The following RFC3 variants were observed in gnomAD, a reference collection of about 807,000 sequenced individuals.
RFC3 encodes the protein replication factor C subunit 3, also known as A1 38 kDa subunit.
RFC3 carries 41 observed loss-of-function variants against 45.1 expected under a neutral mutation model. The observed-to-expected ratio is 0.91, with a 90% confidence interval of 0.71 to 1.18. The LOEUF is 1.18. RFC3 is among the 50% of genes most tolerant of loss of function. The pLI, the probability that RFC3 is intolerant of heterozygous loss-of-function variation, is 0.00. For missense variants in RFC3, 423 were observed against 428.1 expected, an observed-to-expected ratio of 0.99 and a Z score of 0.10; for synonymous variants, 149 against 144.0, an observed-to-expected ratio of 1.03 and a Z score of -0.25.
intron 8 of RFC3, among the ~76,000 whole-genome samples, chr13:33,843,686 T>G (rs1215482624): frequency 6.6e-6 from 1 of 152,202 alleles, no homozygotes; most frequent in Non-Finnish European, 1.5e-5. Context: ...TGATCTTGTT[T>G]TGCAGATGAG....
At chr13:33,845,168 A>T (rs1241994614) in intron 8 of RFC3, among the ~76,000 whole-genome samples, 1 of 152,054 alleles carries the variant, frequency 6.6e-6, no homozygotes, top group Non-Finnish European at 1.5e-5. Context: ...GCCCCATTGT[A>T]TGTTGTTTGT....
At chr13:33,924,001 A>G (rs939516183) in intron 8 of RFC3, among the ~76,000 whole-genome samples, 1 of 152,118 alleles carries the variant, frequency 6.6e-6, no homozygotes, top group Admixed American at 6.6e-5. Flanking sequence ...TTTCTTTGTC[A>G]GGGCTGGCAC....
chr13:33,943,075 T>G (rs755502261), intron 8 of RFC3, among the ~76,000 whole-genome samples: 1 of 152,154 alleles, frequency 6.6e-6, no homozygotes, highest in Non-Finnish European at 1.5e-5. Flanking sequence ...GTCAAGGCCT[T>G]TAACAAAAAA....
chr13:33,830,076 TG>T, intron 5 of RFC3, 59 bp downstream of exon 5: 2 of 1,435,602 alleles, frequency 1.4e-6, no homozygotes, highest in Non-Finnish European at 1.9e-6. Flanking sequence ...GAATATTGTA[TG>T]CTTGTTGTAA....
chr13:33,961,013 T>A (rs1315691421), intron 8 of RFC3, among the ~76,000 whole-genome samples: 2 of 152,226 alleles, frequency 1.3e-5, no homozygotes, highest in East Asian at 3.8e-4. Context: ...CAATTAAGTT[T>A]GAATCTCAGA....
chr13:33,928,669 C>T (rs1223727972), intron 8 of RFC3, among the ~76,000 whole-genome samples: 1 of 152,142 alleles, frequency 6.6e-6, no homozygotes, highest in Non-Finnish European at 1.5e-5. Flanking sequence ...TATACTTTCT[C>T]TGGTGTTTGC....
intron 8 of RFC3, among the ~76,000 whole-genome samples, chr13:33,957,297 C>A: frequency 6.6e-6 from 1 of 152,144 alleles, no homozygotes; most frequent in South Asian, 2.1e-4. Context: ...GCCTGCATTT[C>A]TTTTCTTCTT....
intron 5 of RFC3, among the ~76,000 whole-genome samples, chr13:33,830,443 AT>A (rs569342319): frequency 1.3e-5 from 2 of 152,142 alleles, no homozygotes; most frequent in African/African-American, 2.4e-5. Context: ...ACATAGATAT[AT>A]TTTTTTCTCC....
intron 8 of RFC3, among the ~76,000 whole-genome samples, chr13:33,933,875 G>T (rs75145699): frequency 0.073 from 11,083 of 151,834 alleles, 564 homozygotes; most frequent in East Asian, 0.15. Flanking sequence ...TAAATTAAGA[G>T]AAATATGTAA....
At chr13:33,931,748 C>T (rs2082853862) in intron 8 of RFC3, among the ~76,000 whole-genome samples, 1 of 152,002 alleles carries the variant, frequency 6.6e-6, no homozygotes, top group African/African-American at 2.4e-5. Flanking sequence ...AAGTCCTCCT[C>T]CCTTTCCTCT....
rs933690302 is a variant in RFC3 at position 33,951,540 on chromosome 13, CT to C, written c.880-14536del. Among the ~76,000 whole-genome samples the C allele has an allele frequency of 5.9e-3, 876 of 148,010 alleles. 8 individuals are homozygous for C. Among genetic ancestry groups the C allele is most frequent in the African/African-American group, 0.018 (726 of 40,688 alleles). On this transcript the variant is annotated intron_variant, in intron 8 of 8. Transcript: ENST00000434425. ...AGCCACCACACCCAGCTGTAAATAA[CT>C]TTTTTTTTTTAAACCCAGGGGATTT...
At chr13:33,843,044 T>C (rs937964116) in intron 8 of RFC3, among the ~76,000 whole-genome samples, 2 of 152,128 alleles carry the variant, frequency 1.3e-5, no homozygotes, top group Non-Finnish European at 2.9e-5. Flanking sequence ...TTCCAAATTA[T>C]AGCACTTAAT....
intron 8 of RFC3, among the ~76,000 whole-genome samples, chr13:33,883,180 A>G (rs12871530): frequency 2.0e-5 from 3 of 152,248 alleles, no homozygotes; most frequent in Non-Finnish European, 2.9e-5. Context: ...TAACTGAGTA[A>G]CAACCAACTA....
At chr13:33,907,694 T>G (rs2082679630) in intron 8 of RFC3, among the ~76,000 whole-genome samples, 1 of 152,106 alleles carries the variant, frequency 6.6e-6, no homozygotes, top group African/African-American at 2.4e-5. Flanking sequence ...GAACAAGCTT[T>G]AATACCATTT....
chr13:33,902,157 A>G (rs2082645623), intron 8 of RFC3, among the ~76,000 whole-genome samples: 1 of 152,078 alleles, frequency 6.6e-6, no homozygotes, highest in Non-Finnish European at 1.5e-5. Flanking sequence ...AATATGGAGA[A>G]TATATTTGGA....
At chr13:33,974,422 G>A in the RFC3 span, among the ~76,000 whole-genome samples, 3 of 152,098 alleles carry the variant, frequency 2.0e-5, no homozygotes, top group Admixed American at 6.5e-5. Context: ...CCAGACTGCT[G>A]TTTTCTCTGC....
chr13:33,901,089 G>A (rs1052619372), intron 8 of RFC3, among the ~76,000 whole-genome samples: 7 of 151,850 alleles, frequency 4.6e-5, no homozygotes, highest in East Asian at 1.9e-4. Context: ...ATACGCTGCC[G>A]GTGGAAATGT....
Position 33,829,823 on chromosome 13 carries a change from CT to C in RFC3, c.392-12del, listed in dbSNP as rs749240594. On this transcript the variant is annotated splice_polypyrimidine_tract_variant and intron_variant, in intron 4 of 8. Transcript: ENST00000380071. The stretch of plus-strand genomic sequence containing the variant: ...ACTCAAGTTAAAGTTTGTTTTGTTT[CT>C]CTTTGACTCAGTGGTATTATTGACA... 6 of 1,610,518 alleles carry C rather than the reference CT, an allele frequency of 3.7e-6. No individual in the cohort carries two copies. The highest frequency in any genetic ancestry group is 1.7e-5 in the Admixed American group (1 of 59,976).
chr13:33,940,481 G>A (rs17080254), intron 8 of RFC3, among the ~76,000 whole-genome samples: 1,674 of 152,248 alleles, frequency 0.011, 29 homozygotes, highest in African/African-American at 0.037. Context: ...TTACATGTGC[G>A]TGTGAAAAGC....
Sources: gnomAD v4.1 joint callset for allele counts (sites outside exome capture counted in the v4.1 genomes callset) on GRCh38, gnomAD v4.1.1 for gene constraint, MANE v1.5 for transcripts, NCBI Gene and HGNC (gene_info 2026-07-23, HGNC 2026-07-21) for gene names.